FAM20B: variants seen among roughly 807,000 people sequenced by gnomAD.
FAM20B encodes FAM20B glycosaminoglycan xylosylkinase.
A neutral mutation model predicts 43.8 loss-of-function variants in FAM20B; 23 were observed. The ratio of observed to expected loss-of-function variants is 0.53; its 90% CI spans 0.38 to 0.74. The LOEUF is 0.74. Ranked by LOEUF, FAM20B falls within the 30% of genes least tolerant of loss-of-function variation. FAM20B has a pLI of 0.00. For missense variants in FAM20B, 440 were observed against 510.5 expected, an observed-to-expected ratio of 0.86 and a Z score of 1.33; for synonymous variants, 178 against 192.4, an observed-to-expected ratio of 0.93 and a Z score of 0.62.
intron 1 of FAM20B, among the ~76,000 whole-genome samples, chr1:179,041,655 G>A (rs1026908751): frequency 8.2e-5 from 11 of 133,780 alleles, no homozygotes; most frequent in South Asian, 2.5e-4. Flanking sequence ...GACGGGAGAC[G>A]GGAGATGGGA....
intron 2 of FAM20B, among the ~76,000 whole-genome samples, chr1:179,046,063 C>T (rs1218459467): frequency 1.3e-5 from 2 of 152,096 alleles, no homozygotes; most frequent in Non-Finnish European, 2.9e-5. Flanking sequence ...TTCTTATTTC[C>T]TGAATAAGAA....
At chr1:179,038,648 G>C (rs1650353356) in intron 1 of FAM20B, among the ~76,000 whole-genome samples, 1 of 152,200 alleles carries the variant, frequency 6.6e-6, no homozygotes, top group South Asian at 2.1e-4. Flanking sequence ...TGAAAATGTT[G>C]TGTGGTTTAG....
At chr1:179,045,150 T>TTTTA (rs962042568) in intron 2 of FAM20B, among the ~76,000 whole-genome samples, 2 of 152,184 alleles carry the variant, frequency 1.3e-5, no homozygotes, top group Non-Finnish European at 2.9e-5. Context: ...AGTTAATTAT[T>TTTTA]TTTATTTATT....
chr1:179,044,361 C>CTAG, intron 2 of FAM20B, 137 bp downstream of exon 2: 1 of 925,272 alleles, frequency 1.1e-6, no homozygotes, highest in Non-Finnish European at 1.6e-6. Context: ...TCTCTAAAGT[C>CTAG]TTTTCTAGCA....
chr1:179,032,001 A>G (rs1650033279), intron 1 of FAM20B, among the ~76,000 whole-genome samples: 2 of 152,174 alleles, frequency 1.3e-5, no homozygotes, highest in Non-Finnish European at 2.9e-5. Context: ...TCTGCTTTGC[A>G]TGACACTCAC....
the FAM20B span, among the ~76,000 whole-genome samples, chr1:179,017,796 CT>C: frequency 2.4e-3 from 370 of 152,244 alleles, 5 homozygotes; most frequent in African/African-American, 8.7e-3. Context: ...CACAGAAAGA[CT>C]GTGTATAATA....
chr1:179,068,042 C>T (rs975839560), intron 7 of FAM20B, among the ~76,000 whole-genome samples: 4 of 152,114 alleles, frequency 2.6e-5, no homozygotes, highest in Admixed American at 2.6e-4. Flanking sequence ...GGATTACAGG[C>T]GTGAGCCACC....
intron 4 of FAM20B, among the ~76,000 whole-genome samples, chr1:179,062,959 G>A (rs1289946757): frequency 1.3e-5 from 2 of 152,102 alleles, no homozygotes; most frequent in Non-Finnish European, 2.9e-5. Context: ...ATGAAGAAGA[G>A]GAGGATGTTA....
chr1:179,073,008 CA>C lies in FAM20B; in HGVS notation c.*868del, dbSNP rs1443869762. On this transcript the variant is annotated 3_prime_UTR_variant, in exon 8 of 8. Coordinates refer to ENST00000263733, the MANE Select transcript of FAM20B (RefSeq NM_014864.4). Reference sequence around the variant, plus strand: ...GGAGACTAATTTTTTCCCCTTTTGCCAAAAGCAGTCCTTCCCAAATTAACAA... The same window carrying C: ...GGAGACTAATTTTTTCCCCTTTTGCCAAAGCAGTCCTTCCCAAATTAACAA... 2 of 152,150 alleles carry C rather than the reference CA, an allele frequency of 1.3e-5. No individual in the cohort carries two copies. Among genetic ancestry groups the C allele is most frequent in the Non-Finnish European group, 2.9e-5 (2 of 68,012 alleles). 9.4% of individuals were successfully genotyped at this position (152,150 alleles called of 1,614,324 possible).
rs1210437730 is a variant in FAM20B, at chr1:179,064,417, A to G, written c.859A>G (p.Asn287Asp). 6.2e-7 allele frequency: 1 copy of G among 1,614,150 alleles called. No homozygotes were observed. The highest frequency in any genetic ancestry group is 8.5e-7 in the Non-Finnish European group (1 of 1,180,006). ...AGCTGTCTTTGATTACCTGATTGGC[A>G]ATGCTGACCGCCATCACTATGAGAG... is the stretch of plus-strand genomic sequence containing the variant. ...DTAVFDYLIG[N>D]ADRHHYESFQ... The change falls in exon 6 of 8, where the codon AAT becomes GAT. Residue 287 changes from asparagine to aspartate, a missense_variant. Transcript: ENST00000263733.
rs1294788645 is a variant in FAM20B, at chr1:179,072,996, T to C, written c.*852T>C. On this transcript the variant is annotated 3_prime_UTR_variant, in exon 8 of 8. Coordinates refer to ENST00000263733, the MANE Select transcript of FAM20B (RefSeq NM_014864.4). ...ATGATTCTCTGTGGAGACTAATTTT[T>C]TCCCCTTTTGCCAAAAGCAGTCCTT... 1 of 152,236 alleles carries C rather than the reference T, an allele frequency of 6.6e-6. No individual in the cohort carries two copies. The highest frequency in any genetic ancestry group is 1.5e-5 in the Non-Finnish European group (1 of 68,042). 9.4% of individuals were successfully genotyped at this position (152,236 alleles called of 1,614,324 possible). A position where few individuals can be genotyped will look rare whatever the true frequency, so the allele number is the denominator to read the frequency against.
At chr1:179,044,935 C>T (rs1242314529) in intron 2 of FAM20B, among the ~76,000 whole-genome samples, 1 of 152,224 alleles carries the variant, frequency 6.6e-6, no homozygotes, top group African/African-American at 2.4e-5. Context: ...ATGAGAATTC[C>T]TGTTGCTCCA....
At chr1:179,067,544 C>A (rs1447523135) in intron 7 of FAM20B, among the ~76,000 whole-genome samples, 1 of 152,072 alleles carries the variant, frequency 6.6e-6, no homozygotes, top group East Asian at 1.9e-4. Context: ...GCAGAGGTTG[C>A]AGTGAGCCGA....
At chr1:179,017,834 G>C in the FAM20B span, among the ~76,000 whole-genome samples, 2 of 152,138 alleles carry the variant, frequency 1.3e-5, no homozygotes, top group African/African-American at 4.8e-5. Context: ...CAAAGACATA[G>C]GGTTAATTAT....
rs11802142 is a variant in FAM20B, at chr1:179,044,069, G to T, written c.222G>T (p.Arg74=). The T allele has an allele frequency of 1.2e-6, 2 of 1,614,086 alleles. No homozygotes were observed. Among genetic ancestry groups the T allele is most frequent in the Non-Finnish European group, 8.5e-7 (1 of 1,180,010 alleles). The change falls in exon 2 of 8, where the codon CGG becomes CGT. Residue 74 remains arginine (R), a synonymous_variant. Coordinates refer to ENST00000263733, the MANE Select transcript of FAM20B (RefSeq NM_014864.4). ...WEIAAQWVVP[R]EVYPEETPEL... ...TTGCAGCCCAGTGGGTGGTTCCCCG[G>T]GAAGTGTACCCTGAAGAGACACCAG...
rs140167281 is a variant in FAM20B at position 179,076,032 on chromosome 1, A to C, written c.*3888A>C. 7.2e-5 allele frequency: 11 copies of C among 152,230 alleles called. No homozygotes were observed. Among genetic ancestry groups the C allele is most frequent in the African/African-American group, 2.7e-4 (11 of 41,468 alleles). 9.4% of individuals were successfully genotyped at this position (152,230 alleles called of 1,614,324 possible). A position where few individuals can be genotyped will look rare whatever the true frequency, so the allele number is the denominator to read the frequency against. ...CATATTTATTTTGACAAAGGGGAAC[A>C]CTGACTTTCTGAAGGATTCAGAAAG... On this transcript the variant is annotated 3_prime_UTR_variant, in exon 8 of 8. Coordinates refer to ENST00000263733, the MANE Select transcript of FAM20B (RefSeq NM_014864.4).
At chr1:179,018,107 C>T in the FAM20B span, among the ~76,000 whole-genome samples, 5 of 152,268 alleles carry the variant, frequency 3.3e-5, no homozygotes, top group Admixed American at 1.3e-4. Flanking sequence ...TCTCCAGGAG[C>T]CCTTGGAGTG....
rs1489840477 is a variant in FAM20B, at chr1:179,072,188, G to A, written c.*44G>A. The A allele has an allele frequency of 1.4e-6, 2 of 1,444,830 alleles. No individual in the cohort carries two copies. Among genetic ancestry groups the A allele is most frequent in the East Asian group, 4.8e-5 (2 of 41,958 alleles). The allele number at this position is 1,444,830 out of a possible 1,614,324, so 89.5% of individuals were successfully genotyped here. A position where few individuals can be genotyped will look rare whatever the true frequency, so the allele number is the denominator to read the frequency against. On this transcript the variant is annotated 3_prime_UTR_variant, in exon 8 of 8. Transcript: ENST00000263733. Reference sequence around the variant, plus strand: ...TGAAACTTCTTTTTACAAAGATAGAGAAACAGCACAATCAATTCCAAATGG... The same window carrying A: ...TGAAACTTCTTTTTACAAAGATAGAAAAACAGCACAATCAATTCCAAATGG...
intron 1 of FAM20B, among the ~76,000 whole-genome samples, chr1:179,041,750 G>A (rs892765402): frequency 6.6e-6 from 1 of 151,916 alleles, no homozygotes; most frequent in Non-Finnish European, 1.5e-5. Context: ...AGACGGGCAG[G>A]GAAAGGGGAG....
Sources: allele counts gnomAD v4.1 joint callset (sites outside exome capture counted in the v4.1 genomes callset), GRCh38; gene constraint gnomAD v4.1.1; transcripts MANE v1.5; gene names NCBI Gene and HGNC (gene_info 2026-07-23, HGNC 2026-07-21).